Variants in CELF5 observed in about 807,000 individuals in gnomAD.
CELF5 encodes the protein CUGBP Elav-like family member 5, also known as CUG-BP and ETR-3 like factor 5.
Under a neutral mutation model 54.9 loss-of-function variants are expected in CELF5, and 6 were observed. That is an observed-to-expected ratio of 0.11 (90% CI 0.06 to 0.22). The LOEUF (loss-of-function observed/expected upper bound fraction) is 0.22. Ranked by LOEUF, CELF5 falls within the 10% of genes least tolerant of loss-of-function variation. The probability of loss-of-function intolerance (pLI) is 1.00; values close to 1 mark genes in which losing one functional copy is unlikely to be tolerated. For synonymous variants in CELF5, 271 were observed against 290.9 expected (o/e 0.93, Z 0.70); for missense variants, 401 against 678.6 (o/e 0.59, Z 4.54).
chr19:3,232,778 C>CA (rs1568328135), intron 1 of CELF5, among the ~76,000 whole-genome samples: 1 of 151,392 alleles, frequency 6.6e-6, no homozygotes, highest in Non-Finnish European at 1.5e-5. Context: ...CCCTTCTCTA[C>CA]AAAAAATAAA....
At position 3,275,786 on chromosome 19, in the gene CELF5, G is replaced by A. The variant is rs1033166297; in HGVS notation, c.395-70G>A. On this transcript the variant is annotated intron_variant, in intron 3 of 12. Transcript: ENST00000292672. This position sits in a 1 kb window ranked among gnomAD's most constrained non-coding sequence, Gnocchi z 6.7. ...GCCCTGCCGCCTCCACTCTGCTGGA[G>A]GGAGGGAGGAATCCCGGAGGCCCTC... The A allele has an allele frequency of 6.6e-7, 1 of 1,525,292 alleles. No homozygotes were observed. The allele number at this position is 1,525,292 out of a possible 1,614,324, so 94.5% of individuals were successfully genotyped here. A position where few individuals can be genotyped will look rare whatever the true frequency, so the allele number is the denominator to read the frequency against.
intron 1 of CELF5, among the ~76,000 whole-genome samples, chr19:3,227,147 C>T (rs10402658): frequency 0.19 from 28,344 of 152,022 alleles, 2,782 homozygotes; most frequent in East Asian, 0.26. Flanking sequence ...TCCCCACCTG[C>T]GTGGGGCCTG....
rs751645664 is a variant in CELF5 at position 3,281,353 on chromosome 19, AC to A, written c.750+11del. 12 of 1,591,704 alleles carry A rather than the reference AC, an allele frequency of 7.5e-6. No individual in the cohort carries two copies. Among genetic ancestry groups the A allele is most frequent in the Non-Finnish European group, 1.0e-5 (12 of 1,166,858 alleles). On this transcript the variant is annotated intron_variant, in intron 6 of 12. Coordinates refer to ENST00000292672, the MANE Select transcript of CELF5 (RefSeq NM_021938.4). This position sits in a 1 kb window ranked among gnomAD's most constrained non-coding sequence, Gnocchi z 6.5. ...AGTGCCTACGCCCAGGCTGTGAGTG[AC>A]CCAGTGACAGCTTCGGGGCTCCGGC... is the stretch of plus-strand genomic sequence containing the variant.
chr19:3,293,582 G>A (rs1157508989), intron 12 of CELF5, 96 bp downstream of exon 12: 7 of 1,107,382 alleles, frequency 6.3e-6, no homozygotes, highest in African/African-American at 1.6e-5. Flanking sequence ...CTCCCCAGGT[G>A]GGGTGATGCT....
intron 1 of CELF5, among the ~76,000 whole-genome samples, chr19:3,231,880 AGATG>A (rs959366966): frequency 1.3e-5 from 2 of 151,010 alleles, no homozygotes; most frequent in African/African-American, 4.9e-5. Flanking sequence ...GTGAATGAAT[AGATG>A]GATGGATGAT....
chr19:3,259,565 C>T (rs1456371770), intron 2 of CELF5, among the ~76,000 whole-genome samples: 2 of 152,068 alleles, frequency 1.3e-5, no homozygotes, highest in Non-Finnish European at 2.9e-5. Context: ...GACCCCAGCT[C>T]CTGGGACTCA....
chr19:3,261,439 A>G (rs182606523), intron 2 of CELF5, among the ~76,000 whole-genome samples: 25 of 151,952 alleles, frequency 1.6e-4, no homozygotes, highest in Non-Finnish European at 2.2e-4. Flanking sequence ...AAGAAATTAA[A>G]TGTCCAAATC....
intron 5 of CELF5, among the ~76,000 whole-genome samples, chr19:3,279,651 G>C (rs954699083): frequency 6.6e-6 from 1 of 151,274 alleles, no homozygotes; most frequent in East Asian, 2.0e-4. Flanking sequence ...CAGAGTCGGG[G>C]TGTGGGCTGG....
chr19:3,289,935 G>T, intron 10 of CELF5, among the ~76,000 whole-genome samples: 1 of 152,064 alleles, frequency 6.6e-6, no homozygotes, highest in East Asian at 1.9e-4. Flanking sequence ...AGAGATTGAG[G>T]GTTGATCTGG....
chr19:3,258,275 T>A (rs1296918315), intron 2 of CELF5, among the ~76,000 whole-genome samples: 1 of 151,836 alleles, frequency 6.6e-6, no homozygotes, highest in Non-Finnish European at 1.5e-5. Context: ...TTTTAAATTT[T>A]AAATTTTTGA....
chr19:3,262,676 C>T (rs1222528368), intron 2 of CELF5, among the ~76,000 whole-genome samples: 7 of 152,084 alleles, frequency 4.6e-5, no homozygotes, highest in South Asian at 2.1e-4. Flanking sequence ...AAGGGCCGGG[C>T]GCAGTGGCTC....
chr19:3,275,912 C>G lies in CELF5; in HGVS notation c.451C>G (p.Leu151Val). Residue 151 changes from leucine to valine, a missense_variant, in exon 4 of 13, where the codon CTG becomes GTG. Coordinates refer to ENST00000292672, the MANE Select transcript of CELF5 (RefSeq NM_021938.4). The surrounding 1 kb of genome is among the most constrained non-coding windows in gnomAD (Gnocchi z 6.7). ...CAAGCAGCAGTCGGAGGAGGACGTG[C>G]TGCGGCTGTTCCAGCCCTTCGGGGT... ...LNKQQSEEDVLRLFQPFGVID... is the reference protein window; with the variant it reads ...LNKQQSEEDVVRLFQPFGVID... 2 of 1,612,428 alleles carry G rather than the reference C, an allele frequency of 1.2e-6. No homozygotes were observed. Among genetic ancestry groups the G allele is most frequent in the Non-Finnish European group, 1.7e-6 (2 of 1,179,580 alleles).
intron 1 of CELF5, among the ~76,000 whole-genome samples, chr19:3,243,673 G>A (rs148129011): frequency 6.6e-6 from 1 of 152,246 alleles, no homozygotes; most frequent in African/African-American, 2.4e-5. Flanking sequence ...CACAGACACG[G>A]TGGCTTAAAC....
At chr19:3,280,022 C>T (rs62125943) in intron 5 of CELF5, among the ~76,000 whole-genome samples, 39,506 of 151,984 alleles carry the variant, frequency 0.26, 5,340 homozygotes, top group Middle Eastern at 0.32. Flanking sequence ...CTCTTGTTAC[C>T]GATATCAGGA....
rs1392100893 is a variant in CELF5, at chr19:3,268,332, A to G, written c.343-5540A>G. On this transcript the variant is annotated intron_variant, in intron 2 of 12. Coordinates refer to ENST00000292672, the MANE Select transcript of CELF5 (RefSeq NM_021938.4). The surrounding 1 kb of genome is among the most constrained non-coding windows in gnomAD (Gnocchi z 4.4). ...CCTAGAAGTGTTTGGAGGACTCTGTAAGGTGAGGCCTGTCAGGTGCTGAAC... is the reference window on the plus strand; with the variant it reads ...CCTAGAAGTGTTTGGAGGACTCTGTGAGGTGAGGCCTGTCAGGTGCTGAAC... Among the ~76,000 whole-genome samples, 51 of 152,182 alleles carry G rather than the reference A, an allele frequency of 3.4e-4. No individual in the cohort carries two copies. Among genetic ancestry groups the G allele is most frequent in the Admixed American group, 3.3e-3 (51 of 15,274 alleles).
At chr19:3,244,155 G>A (rs930457682) in intron 1 of CELF5, among the ~76,000 whole-genome samples, 4 of 152,042 alleles carry the variant, frequency 2.6e-5, no homozygotes, top group African/African-American at 4.8e-5. Flanking sequence ...GCCAAGAAGA[G>A]GTTGGGCCAA....
intron 2 of CELF5, among the ~76,000 whole-genome samples, chr19:3,273,353 C>T (rs996832991): frequency 2.0e-5 from 3 of 151,528 alleles, no homozygotes; most frequent in African/African-American, 7.3e-5. Flanking sequence ...TCCATGAGGC[C>T]CCTCCTCCTC....
intron 2 of CELF5, among the ~76,000 whole-genome samples, chr19:3,256,180 C>G (rs1037267188): frequency 3.9e-5 from 6 of 152,142 alleles, no homozygotes; most frequent in African/African-American, 1.4e-4. Context: ...ACACTGACGA[C>G]CCAGCCAGGG....
chr19:3,258,240 G>A (rs1358280660), intron 2 of CELF5, among the ~76,000 whole-genome samples: 1 of 152,106 alleles, frequency 6.6e-6, no homozygotes, highest in Non-Finnish European at 1.5e-5. Flanking sequence ...TTACAGGCAT[G>A]AGCCACCACG....
Sources: gnomAD v4.1 joint callset for allele counts (sites outside exome capture counted in the v4.1 genomes callset) on GRCh38, gnomAD v4.1.1 for gene constraint, Gnocchi (gnomAD v3.1) non-coding constraint, MANE v1.5 for transcripts, NCBI Gene and HGNC (gene_info 2026-07-23, HGNC 2026-07-21) for gene names.